The following RAB3IL1 variants were observed in gnomAD, a reference collection of about 807,000 sequenced individuals.
RAB3IL1 encodes the protein RAB3A interacting protein like 1, also known as guanine nucleotide exchange factor for Rab-3A.
RAB3IL1 carries 37 observed loss-of-function variants against 49.2 expected under a neutral mutation model. The observed-to-expected ratio is 0.75, with a 90% CI of 0.58 to 0.99. RAB3IL1 has a LOEUF of 0.99. Among genes scored for constraint, RAB3IL1 ranks in the 50% least tolerant of loss-of-function variants. The pLI is 0.00. For synonymous variants in RAB3IL1, 193 were observed against 213.9 expected (o/e 0.90, Z 0.85); for missense variants, 484 against 513.0 (o/e 0.94, Z 0.55).
the RAB3IL1 span, among the ~76,000 whole-genome samples, chr11:61,945,133 C>A: frequency 3.3e-5 from 5 of 152,322 alleles, no homozygotes; most frequent in South Asian, 1.0e-3. Context: ...GCCCATTGAC[C>A]TGACAGATAG....
At chr11:61,936,453 G>C in the RAB3IL1 span, among the ~76,000 whole-genome samples, 3 of 152,216 alleles carry the variant, frequency 2.0e-5, no homozygotes, top group Admixed American at 2.0e-4. Flanking sequence ...CCAGGCTGGA[G>C]TGCAGTGGCA....
chr11:61,920,038 C>T (rs1053728098), upstream of RAB3IL1: 34 of 1,258,722 alleles, frequency 2.7e-5, no homozygotes, highest in Non-Finnish European at 3.3e-5. Flanking sequence ...GTCCTGAGCT[C>T]ACCTGTCTGT....
At chr11:61,905,821 C>T (rs1179552240) in intron 5 of RAB3IL1, among the ~76,000 whole-genome samples, 2 of 152,124 alleles carry the variant, frequency 1.3e-5, no homozygotes, top group African/African-American at 4.8e-5. Context: ...GTCTCTGGTT[C>T]CTCCAGCAGC....
At chr11:61,912,914 G>T (rs117324079) in intron 1 of RAB3IL1, among the ~76,000 whole-genome samples, 1,616 of 152,202 alleles carry the variant, frequency 0.011, 22 homozygotes, top group Non-Finnish European at 0.016. Context: ...GGGCTGGATG[G>T]GGGGGCAGGA....
chr11:61,907,046 G>A (rs1247155363), intron 4 of RAB3IL1, among the ~76,000 whole-genome samples: 5 of 152,226 alleles, frequency 3.3e-5, no homozygotes, highest in Non-Finnish European at 5.9e-5. Context: ...GAGAGGAAGC[G>A]ACTTGCCCAG....
chr11:61,939,683 G>C, the RAB3IL1 span, among the ~76,000 whole-genome samples: 1 of 152,020 alleles, frequency 6.6e-6, no homozygotes, highest in African/African-American at 2.4e-5. Context: ...GGCTGGAGTG[G>C]CTCACGCCTG....
At chr11:61,928,364 G>A in the RAB3IL1 span, among the ~76,000 whole-genome samples, 27 of 152,154 alleles carry the variant, frequency 1.8e-4, no homozygotes, top group South Asian at 5.0e-3. Context: ...AATACATGGA[G>A]CTAGGACCCT....
At position 61,898,884 on chromosome 11, in the gene RAB3IL1, C is replaced by A. The variant is rs764503468; in HGVS notation, c.1066+430G>T. On this transcript the variant is annotated intron_variant, in intron 9 of 9. Transcript: ENST00000394836. This position sits in a 1 kb window ranked among gnomAD's most constrained non-coding sequence, Gnocchi z 5.1. ...ACTGGTTCAGGAGAAGACTCAGCAG[C>A]GAGCAAAGGTTGGTGGAGGAGCGGG... 1 of 470,682 alleles carries A rather than the reference C, an allele frequency of 2.1e-6. No individual in the cohort carries two copies. The highest frequency in any genetic ancestry group is 2.3e-5 in the Admixed American group (1 of 42,882). The allele number at this position is 470,682 out of a possible 1,614,324, so 29.2% of individuals were successfully genotyped here.
chr11:61,942,500 C>T, the RAB3IL1 span, among the ~76,000 whole-genome samples: 1 of 148,520 alleles, frequency 6.7e-6, no homozygotes, highest in African/African-American at 2.5e-5. Flanking sequence ...CAAAAAACAC[C>T]TGAGCTCAAA....
intron 2 of RAB3IL1, 90 bp downstream of exon 2, chr11:61,907,964 G>C: frequency 2.6e-6 from 4 of 1,510,806 alleles, no homozygotes; most frequent in African/African-American, 1.4e-5. Context: ...TCTCCCTTGG[G>C]CACATCTCTG....
At chr11:61,920,165 A>G, upstream of RAB3IL1, 1 of 1,321,538 alleles carries the variant, frequency 7.6e-7, no homozygotes, top group Non-Finnish European at 9.8e-7. Context: ...CGGGCGGGGC[A>G]CCCAGCGTGC....
At chr11:61,922,933 T>G (rs12420625), upstream of RAB3IL1, among the ~76,000 whole-genome samples, 10,018 of 152,248 alleles carry the variant, frequency 0.066, 683 homozygotes, top group South Asian at 0.36. Flanking sequence ...TGGAAACAAT[T>G]AATGGAAAAC....
chr11:61,909,646 T>G (rs1436205506), intron 1 of RAB3IL1, among the ~76,000 whole-genome samples: 10 of 152,198 alleles, frequency 6.6e-5, no homozygotes, highest in Admixed American at 6.5e-4. Context: ...ACAGTGTCTA[T>G]GCCAGACAGG....
upstream of RAB3IL1, among the ~76,000 whole-genome samples, chr11:61,923,086 G>T (rs535851206): frequency 6.6e-6 from 1 of 152,224 alleles, no homozygotes; most frequent in South Asian, 2.1e-4. Context: ...GGCGGGAGAG[G>T]GGAAACTGAG....
chr11:61,899,384 TGGGCAGAGGTG>T lies in RAB3IL1; in HGVS notation c.1000-15_1000-5del, dbSNP rs1308860632. 2 of 1,607,966 alleles carry T rather than the reference TGGGCAGAGGTG, an allele frequency of 1.2e-6. No individual in the cohort carries two copies. Among genetic ancestry groups the T allele is most frequent in the Non-Finnish European group, 1.7e-6 (2 of 1,179,372 alleles). On this transcript the variant is annotated splice_polypyrimidine_tract_variant and splice_region_variant and intron_variant, in intron 8 of 9. Coordinates refer to ENST00000394836, the MANE Select transcript of RAB3IL1 (RefSeq NM_013401.4). ...AGAAGTTGCACACTGCGGTGATCTG[TGGGCAGAGGTG>T]GGGACGGTGTGACCTGCCAGCCCCA... is the stretch of plus-strand genomic sequence containing the variant.
In RAB3IL1 at chr11:61,907,588, C is replaced by A; in HGVS notation, c.337G>T (p.Glu113Ter). 6.2e-7 allele frequency: 1 copy of A among 1,614,156 alleles called. No homozygotes were observed. The highest frequency in any genetic ancestry group is 8.5e-7 in the Non-Finnish European group (1 of 1,180,030). The change falls in exon 3 of 10, where the codon GAG becomes TAG. Residue 113 changes from glutamate (E) to a stop codon, truncating the protein, a stop_gained. Transcript: ENST00000394836. LOFTEE classifies it high-confidence loss of function. ...ACCTCAAACAGGCTGGCCGTCAGCT[C>A]TTCCAGCTCCTGTTCTAGCTGCTCC... ...VREQLEQELE[E>*]LTASLFEEAH...
the RAB3IL1 span, among the ~76,000 whole-genome samples, chr11:61,944,565 A>G: frequency 6.6e-6 from 1 of 152,100 alleles, no homozygotes; most frequent in Non-Finnish European, 1.5e-5. Context: ...AAGCAGAGGG[A>G]CCACAGAAAA....
chr11:61,899,748 T>TC, intron 8 of RAB3IL1: 1 of 206,296 alleles, frequency 4.8e-6, no homozygotes, highest in Non-Finnish European at 1.0e-5. Context: ...GGGCAGGCTG[T>TC]CCCGGAGTCT....
In RAB3IL1 at chr11:61,906,362, AG is replaced by A. The variant is rs1204568728; in HGVS notation, c.657+103del. 3.8e-6 allele frequency: 4 copies of A among 1,055,042 alleles called. No homozygotes were observed. Among genetic ancestry groups the A allele is most frequent in the Non-Finnish European group, 5.6e-6 (4 of 713,082 alleles). 65.4% of individuals were successfully genotyped at this position (1,055,042 alleles called of 1,614,324 possible). On this transcript the variant is annotated intron_variant, in intron 5 of 9. Transcript: ENST00000394836. The surrounding 1 kb of genome is among the most constrained non-coding windows in gnomAD (Gnocchi z 4.6). ...CCCAGAGAGGCGCAGGACAGGCTCC[AG>A]GTCACACAGCATGGGGCAGGCTGGT...
Sources: gnomAD v4.1 joint callset for allele counts (sites outside exome capture counted in the v4.1 genomes callset) on GRCh38, gnomAD v4.1.1 for gene constraint, Gnocchi (gnomAD v3.1) non-coding constraint, MANE v1.5 for transcripts, NCBI Gene and HGNC (gene_info 2026-07-23, HGNC 2026-07-21) for gene names.